The following FMN1 variants were observed in gnomAD, a reference collection of about 807,000 sequenced individuals.
The protein encoded by FMN1 is formin-1.
In FMN1, 110 loss-of-function variants were observed where a neutral mutation model predicts 132.4. That is an observed-to-expected ratio of 0.83 (90% confidence interval 0.71 to 0.97). The LOEUF (loss-of-function observed/expected upper bound fraction) is 0.97, where lower values mean the gene tolerates loss of function less well. Ranked by LOEUF, FMN1 falls within the 50% of genes least tolerant of loss-of-function variation. FMN1 has a pLI of 0.00. For synonymous variants in FMN1, 722 were observed against 651.7 expected (o/e 1.11, Z -1.64); for missense variants, 1,792 against 1,705.3 (o/e 1.05, Z -0.90).
At chr15:33,150,687 G>A (rs936806419) in intron 4 of FMN1, 6 of 985,394 alleles carry the variant, frequency 6.1e-6, no homozygotes, top group Non-Finnish European at 7.2e-6. Flanking sequence ...ACTGGAAACA[G>A]ATCTGATTAC....
chr15:33,173,166 T>G (rs796707996), intron 3 of FMN1, among the ~76,000 whole-genome samples: 1 of 152,136 alleles, frequency 6.6e-6, no homozygotes, highest in South Asian at 2.1e-4. Flanking sequence ...CCTTTATAGG[T>G]TTATTACACA....
chr15:32,914,846 G>T (rs967291345), intron 10 of FMN1, among the ~76,000 whole-genome samples: 2 of 152,192 alleles, frequency 1.3e-5, no homozygotes, highest in African/African-American at 4.8e-5. Context: ...ACAGGCAGAG[G>T]AGTCTAAGAG....
chr15:32,953,544 A>G (rs762235944), intron 9 of FMN1, among the ~76,000 whole-genome samples: 2 of 152,234 alleles, frequency 1.3e-5, no homozygotes, highest in Non-Finnish European at 2.9e-5. Context: ...TCAGGTCTAA[A>G]TGAAATGAAG....
At chr15:32,906,391 A>G (rs999434821) in intron 12 of FMN1, among the ~76,000 whole-genome samples, 6 of 152,278 alleles carry the variant, frequency 3.9e-5, no homozygotes, top group Admixed American at 3.3e-4. Flanking sequence ...TTCAGTGTTC[A>G]TAAGTAAAAT....
At chr15:33,085,564 C>T (rs2038656820) in intron 5 of FMN1, among the ~76,000 whole-genome samples, 1 of 148,872 alleles carries the variant, frequency 6.7e-6, no homozygotes, top group African/African-American at 2.5e-5. Flanking sequence ...TACATATATA[C>T]ATATGCATAA....
intron 19 of FMN1, among the ~76,000 whole-genome samples, chr15:32,778,697 C>G (rs1045786518): frequency 2.0e-5 from 3 of 152,122 alleles, no homozygotes; most frequent in Admixed American, 1.3e-4. Context: ...AACCCTTATA[C>G]ACTGTTGATG....
chr15:33,029,691 A>C (rs2035844914), intron 6 of FMN1, among the ~76,000 whole-genome samples: 1 of 152,152 alleles, frequency 6.6e-6, no homozygotes, highest in African/African-American at 2.4e-5. Context: ...ATGCAGCATT[A>C]AAGAATCTCA....
intron 4 of FMN1, among the ~76,000 whole-genome samples, chr15:33,126,282 G>A (rs924208334): frequency 1.3e-5 from 2 of 152,192 alleles, no homozygotes; most frequent in East Asian, 1.9e-4. Flanking sequence ...ACCACTGTGA[G>A]GCAGGTACGG....
intron 7 of FMN1, among the ~76,000 whole-genome samples, chr15:33,006,583 C>T (rs563766408): frequency 6.6e-6 from 1 of 152,272 alleles, no homozygotes; most frequent in East Asian, 1.9e-4. Context: ...GAGATATCTA[C>T]ACTCTCATGT....
intron 7 of FMN1, among the ~76,000 whole-genome samples, chr15:33,001,206 C>G (rs1007007484): frequency 8.5e-5 from 13 of 152,126 alleles, no homozygotes; most frequent in Non-Finnish European, 1.6e-4. Context: ...CCGCTTAAAT[C>G]TGGGAGGCGG....
At position 32,955,795 on chromosome 15, in the gene FMN1, ATGTGTG is replaced by A. The variant is rs1299418978; in HGVS notation, c.3138+8306_3138+8311del. 7.5e-5 allele frequency among the ~76,000 whole-genome samples: 11 copies of A among 147,280 alleles called. No homozygotes were observed. The East Asian group carries it at 9.7e-4, about 13-fold the overall frequency. ...TCTTCCGATATGGAAGATTTTAAAGATGTGTGTGCGTGTGCGTGTGTGTGTGTGTGT... is the reference window on the plus strand; with the variant it reads ...TCTTCCGATATGGAAGATTTTAAAGATGCGTGTGCGTGTGTGTGTGTGTGT... On this transcript the variant is annotated intron_variant, in intron 9 of 20. Coordinates refer to ENST00000616417, the MANE Select transcript of FMN1 (RefSeq NM_001277313.2).
At chr15:32,904,707 C>T (rs1218597852) in intron 12 of FMN1, among the ~76,000 whole-genome samples, 1 of 152,114 alleles carries the variant, frequency 6.6e-6, no homozygotes, top group Non-Finnish European at 1.5e-5. Flanking sequence ...AATAAAGAAG[C>T]AAATTTGGAG....
At chr15:32,798,671 A>G in intron 19 of FMN1, 133 bp downstream of exon 19, 1 of 781,594 alleles carries the variant, frequency 1.3e-6, no homozygotes, top group Non-Finnish European at 1.9e-6. Flanking sequence ...CTGAGGCAAA[A>G]AGTCCTTCCC....
intron 15 of FMN1, among the ~76,000 whole-genome samples, chr15:32,892,200 G>A (rs1433290627): frequency 6.6e-6 from 1 of 152,164 alleles, no homozygotes; most frequent in African/African-American, 2.4e-5. Context: ...GTTTGTCATA[G>A]ATGGCTTTTA....
intron 7 of FMN1, among the ~76,000 whole-genome samples, chr15:32,987,205 A>G (rs1421136461): frequency 6.6e-6 from 1 of 152,194 alleles, no homozygotes; most frequent in Non-Finnish European, 1.5e-5. Flanking sequence ...ATAAAGGTTA[A>G]TGATACAAGG....
intron 6 of FMN1, among the ~76,000 whole-genome samples, chr15:33,028,572 A>T (rs1035265958): frequency 1.3e-5 from 2 of 152,160 alleles, no homozygotes; most frequent in Admixed American, 1.3e-4. Flanking sequence ...AAAAGGCAAG[A>T]TACTTTTGGA....
At chr15:33,068,062 G>T (rs1157086757) in intron 5 of FMN1, 1 of 1,420,742 alleles carries the variant, frequency 7.0e-7, no homozygotes, top group African/African-American at 1.4e-5. Flanking sequence ...CCCTCCTTCC[G>T]GTTTGTGCGA....
intron 5 of FMN1, among the ~76,000 whole-genome samples, chr15:33,074,850 T>C (rs2038138822): frequency 6.6e-6 from 1 of 151,726 alleles, no homozygotes; most frequent in Non-Finnish European, 1.5e-5. Context: ...ACTCCGTCTC[T>C]ACTAAAAATT....
chr15:33,061,211 C>T (rs1302616145), intron 6 of FMN1, among the ~76,000 whole-genome samples: 1 of 152,094 alleles, frequency 6.6e-6, no homozygotes, highest in Non-Finnish European at 1.5e-5. Flanking sequence ...AGGGAAGGTA[C>T]CACAGGTCAG....
Sources: allele counts gnomAD v4.1 joint callset (sites outside exome capture counted in the v4.1 genomes callset), GRCh38; gene constraint gnomAD v4.1.1; transcripts MANE v1.5; gene names NCBI Gene and HGNC (gene_info 2026-07-23, HGNC 2026-07-21).